Variants in DNMBP observed in about 807,000 individuals in gnomAD.
The protein encoded by DNMBP is dynamin binding protein.
A neutral mutation model predicts 150.0 loss-of-function variants in DNMBP; 87 were observed. The observed-to-expected ratio is 0.58, with a 90% CI of 0.49 to 0.69. The LOEUF (loss-of-function observed/expected upper bound fraction) is 0.69. DNMBP is among the 30% of genes least tolerant of loss of function. DNMBP has a pLI of 0.00. For synonymous variants in DNMBP, 711 were observed against 750.4 expected (o/e 0.95, Z 0.86); for missense variants, 1,774 against 1,949.0 (o/e 0.91, Z 1.69).
chr10:99,912,785 A>G (rs751480943), intron 4 of DNMBP, among the ~76,000 whole-genome samples: 2 of 152,086 alleles, frequency 1.3e-5, no homozygotes, highest in Admixed American at 6.6e-5. Flanking sequence ...TCAGCCTCCC[A>G]AGTAGCTGGG....
chr10:99,914,043 C>A, intron 4 of DNMBP: 1 of 1,498,224 alleles, frequency 6.7e-7, no homozygotes, highest in Non-Finnish European at 8.9e-7. Context: ...GAATGCTCCA[C>A]AACCCCCCAA....
In DNMBP at chr10:99,971,982, G is replaced by GT. The variant is rs2040682178; in HGVS notation, c.142dup (p.Thr48AsnfsTer29). 1.2e-6 allele frequency: 2 copies of GT among 1,612,256 alleles called. No individual in the cohort carries two copies. The highest frequency in any genetic ancestry group is 2.7e-5 in the African/African-American group (2 of 74,564). On this transcript the variant is annotated frameshift_variant, in exon 2 of 17. Transcript: ENST00000324109. LOFTEE classifies it high-confidence loss of function. ...TCCACTATGAGTCTCTTACTTACCTGTAACATCCTCCTTCTTTCCTAGAAG... is the reference window on the plus strand; with the variant it reads ...TCCACTATGAGTCTCTTACTTACCTGTTAACATCCTCCTTCTTTCCTAGAAG...
chr10:99,962,942 T>G (rs1036899672), intron 3 of DNMBP, among the ~76,000 whole-genome samples: 5 of 151,644 alleles, frequency 3.3e-5, no homozygotes, highest in African/African-American at 4.9e-5. Context: ...TATTACCTGA[T>G]GGACTGCTAT....
intron 6 of DNMBP, among the ~76,000 whole-genome samples, chr10:99,901,672 C>G (rs912510410): frequency 2.6e-5 from 4 of 152,066 alleles, no homozygotes; most frequent in Non-Finnish European, 2.9e-5. Context: ...CTTTCCTCCT[C>G]TCAGTGTATT....
At chr10:99,886,168 T>C (rs1490093325) in intron 13 of DNMBP, 132 bp downstream of exon 13, 4 of 787,504 alleles carry the variant, frequency 5.1e-6, no homozygotes, top group Non-Finnish European at 4.0e-6. Flanking sequence ...TAAGATTTCC[T>C]GAGGGATGAA....
At chr10:99,979,562 C>T (rs2040762714) in intron 1 of DNMBP, among the ~76,000 whole-genome samples, 1 of 152,090 alleles carries the variant, frequency 6.6e-6, no homozygotes, top group African/African-American at 2.4e-5. Context: ...AGTTTAGTCC[C>T]CACCAATTCC....
intron 6 of DNMBP, among the ~76,000 whole-genome samples, chr10:99,902,984 G>A (rs1455732718): frequency 5.9e-5 from 9 of 151,838 alleles, no homozygotes; most frequent in Non-Finnish European, 1.3e-4. Flanking sequence ...TCCTAGACTG[G>A]AGTGCAGTGT....
chr10:99,954,777 G>A (rs1162056151), intron 4 of DNMBP, among the ~76,000 whole-genome samples: 3 of 148,680 alleles, frequency 2.0e-5, no homozygotes, highest in Non-Finnish European at 4.5e-5. Context: ...GAGGCCGGGC[G>A]TGGTGGCTCA....
intron 4 of DNMBP, among the ~76,000 whole-genome samples, chr10:99,909,922 TTAGATA>T (rs2039879829): frequency 6.6e-6 from 1 of 152,226 alleles, no homozygotes; most frequent in Non-Finnish European, 1.5e-5. Flanking sequence ...TGACTATTAC[TTAGATA>T]CACAGGATGA....
chr10:99,899,165 G>A (rs2039702434), intron 7 of DNMBP, among the ~76,000 whole-genome samples: 2 of 151,642 alleles, frequency 1.3e-5, no homozygotes, highest in South Asian at 2.1e-4. Context: ...TTCCAGCCTG[G>A]ACGACAGAGT....
rs144724493 is a variant in DNMBP at position 99,908,055 on chromosome 10, G to T, written c.2494C>A (p.Gln832Lys). The stretch of plus-strand genomic sequence containing the variant: ...TGCTTCGAGACCTTAATCACCATCT[G>T]CATATTTCCAAAAAGTCCCTCAAAA... ...IDFEGLFGNMQMVIKVSKQLL... is the reference protein window; with the variant it reads ...IDFEGLFGNMKMVIKVSKQLL... Residue 832 changes from glutamine to lysine, a missense_variant, in exon 6 of 17, where the codon CAG becomes AAG. Physicochemically the swap from Gln to Lys is moderately conservative, Grantham distance 53. Transcript: ENST00000324109. 3.7e-6 allele frequency: 6 copies of T among 1,613,866 alleles called. No homozygotes were observed. The African/African-American group carries it at 6.7e-5, about 18-fold the overall frequency.
chr10:99,955,666 T>C lies in DNMBP; in HGVS notation c.1808A>G (p.Glu603Gly), dbSNP rs750901589. 5.6e-6 allele frequency: 9 copies of C among 1,614,214 alleles called. No individual in the cohort carries two copies. Among genetic ancestry groups the C allele is most frequent in the Non-Finnish European group, 7.6e-6 (9 of 1,180,042 alleles). Residue 603 changes from glutamate to glycine, a missense_variant, in exon 4 of 17, where the codon GAA (glutamate) becomes GGA (glycine). Around this residue, in one of 2 missense-constraint regions of DNMBP, gnomAD observed 1,430 missense variants for 1,492.5 expected, o/e 0.96. Transcript: ENST00000324109. ...CGGTGGCCTTAGGGCCTTTCTCCTT[T>C]CCGGCAGCTCCTGCTCGGTGATTAA... ...SKLITEQELPERRKALRPPPP... is the reference protein window; with the variant it reads ...SKLITEQELPGRRKALRPPPP...
chr10:99,941,953 T>A (rs1240344030), intron 4 of DNMBP, among the ~76,000 whole-genome samples: 2 of 152,214 alleles, frequency 1.3e-5, no homozygotes, highest in Non-Finnish European at 2.9e-5. Context: ...CTCTGCCCTG[T>A]GTCTCTTCTG....
chr10:100,003,325 C>T (rs1258580534), intron 1 of DNMBP, among the ~76,000 whole-genome samples: 1 of 151,956 alleles, frequency 6.6e-6, no homozygotes, highest in African/African-American at 2.4e-5. Context: ...CCAGCCTGGG[C>T]GACAGAGCGA....
intron 1 of DNMBP, among the ~76,000 whole-genome samples, chr10:99,985,191 G>C (rs1479314450): frequency 2.0e-5 from 3 of 152,160 alleles, no homozygotes; most frequent in Non-Finnish European, 4.4e-5. Context: ...CATTAGCAGG[G>C]TAGGTGATTT....
rs1589459465 is a variant in DNMBP at position 100,008,546 on chromosome 10, G to C, written c.-11+1292C>G. On this transcript the variant is annotated intron_variant, in intron 1 of 16. Transcript: ENST00000324109. The stretch of plus-strand genomic sequence containing the variant: ...TTAGCCCAACCCTGATAAAGTGACT[G>C]AGAGAGCTGAGAATAATGAATTTGA... Among the ~76,000 whole-genome samples, 3 of 152,330 alleles carry C rather than the reference G, an allele frequency of 2.0e-5. No individual in the cohort carries two copies. In the South Asian group the frequency reaches 6.2e-4, roughly 32 times the overall value.
Position 99,880,314 on chromosome 10 carries a change from G to A in DNMBP, c.4045C>T (p.Arg1349Cys), listed in dbSNP as rs372427020. ...YSSFLKPYNP[R>C]RSHSDASVGS... ...ACGGAGGCATCGGAGTGGCTGCGGC[G>A]AGGATTGTAGGGCTTTAGGAAAGAG... The change falls in exon 16 of 17, where the codon CGC (arginine) becomes TGC (cysteine). Residue 1349 changes from arginine to cysteine, a missense_variant. Physicochemically the swap from Arg to Cys is radical, Grantham distance 180. Transcript: ENST00000324109. 5.0e-6 allele frequency: 8 copies of A among 1,611,402 alleles called. No homozygotes were observed. The highest frequency in any genetic ancestry group is 2.7e-5 in the African/African-American group (2 of 74,898).
intron 4 of DNMBP, among the ~76,000 whole-genome samples, 159 bp downstream of exon 4, chr10:99,955,055 A>AC (rs1447771676): frequency 6.6e-6 from 1 of 151,854 alleles, no homozygotes; most frequent in Non-Finnish European, 1.5e-5. Flanking sequence ...TGTCTCAAAA[A>AC]AAAGGAAAAA....
chr10:99,902,649 T>C (rs1247198901), intron 6 of DNMBP, among the ~76,000 whole-genome samples: 3 of 146,460 alleles, frequency 2.0e-5, no homozygotes, highest in African/African-American at 7.6e-5. Flanking sequence ...AATTGTTGGC[T>C]GGACGTAGTG....
Sources: gnomAD v4.1 joint callset for allele counts (sites outside exome capture counted in the v4.1 genomes callset) on GRCh38, gnomAD v4.1.1 for gene constraint, gnomAD v4.1.1 regional missense constraint, MANE v1.5 for transcripts, NCBI Gene and HGNC (gene_info 2026-07-23, HGNC 2026-07-21) for gene names.